Variants in STX8 observed in about 807,000 individuals in gnomAD.
STX8 encodes the protein syntaxin-8.
Under a neutral mutation model 37.5 loss-of-function variants are expected in STX8, and 23 were observed. The ratio of observed to expected loss-of-function variants is 0.61; its 90% confidence interval spans 0.44 to 0.87. The LOEUF (loss-of-function observed/expected upper bound fraction) is 0.87, where lower values mean the gene tolerates loss of function less well. Among genes scored for constraint, STX8 ranks in the 40% least tolerant of loss-of-function variants. The pLI is 0.00. For missense variants in STX8, 313 were observed against 284.7 expected (o/e 1.10, Z -0.71); for synonymous variants, 115 against 99.1 (o/e 1.16, Z -0.95).
intron 7 of STX8, among the ~76,000 whole-genome samples, chr17:9,343,018 CAAAAAAAAAAA>C (rs4063994): frequency 9.0e-6 from 1 of 110,498 alleles, no homozygotes; most frequent in Non-Finnish European, 1.9e-5. Context: ...GAAACTGTCT[CAAAAAAAAAAA>C]AAAAAAAAAA....
At chr17:9,361,775 G>A (rs1911071375) in intron 7 of STX8, among the ~76,000 whole-genome samples, 1 of 152,158 alleles carries the variant, frequency 6.6e-6, no homozygotes, top group South Asian at 2.1e-4. Flanking sequence ...GCAGGAGCTG[G>A]ATGCCTCTTA....
At chr17:9,392,695 A>T (rs757536766) in intron 6 of STX8, among the ~76,000 whole-genome samples, 50 of 152,218 alleles carry the variant, frequency 3.3e-4, no homozygotes, top group Non-Finnish European at 7.1e-4. Context: ...AACAAAAAAT[A>T]TAGAGAAGAA....
chr17:9,397,102 C>T (rs565829675), intron 6 of STX8, among the ~76,000 whole-genome samples: 21 of 152,126 alleles, frequency 1.4e-4, no homozygotes, highest in Non-Finnish European at 2.5e-4. Context: ...TGGCACTAAA[C>T]AATTAAGGAC....
In STX8 at chr17:9,441,153, C is replaced by T. The variant is rs576031571; in HGVS notation, c.541+50676G>A. On this transcript the variant is annotated intron_variant, in intron 6 of 7. Coordinates refer to ENST00000306357, the MANE Select transcript of STX8 (RefSeq NM_004853.3). ...GAAGGGGCAAATGCTAAGATGAATA[C>T]AACATAATGCAAAAAGATTAAAATG... Among the ~76,000 whole-genome samples the T allele has an allele frequency of 2.6e-5, 4 of 152,120 alleles. No individual in the cohort carries two copies. The South Asian group carries it at 8.3e-4, about 32-fold the overall frequency.
At chr17:9,549,372 C>T (rs1906674794) in intron 3 of STX8, among the ~76,000 whole-genome samples, 1 of 152,108 alleles carries the variant, frequency 6.6e-6, no homozygotes, top group African/African-American at 2.4e-5. Flanking sequence ...GAACAGAAAC[C>T]CACACAGTTG....
intron 7 of STX8, among the ~76,000 whole-genome samples, chr17:9,281,672 G>A (rs528443307): frequency 2.0e-5 from 3 of 152,304 alleles, no homozygotes; most frequent in East Asian, 1.9e-4. Context: ...AGTGGCTCAC[G>A]CCTGTAATCC....
At chr17:9,421,318 C>T (rs531777520) in intron 6 of STX8, among the ~76,000 whole-genome samples, 6 of 144,412 alleles carry the variant, frequency 4.2e-5, no homozygotes, top group South Asian at 4.4e-4. Flanking sequence ...CTTGAACCCG[C>T]GAGGCAGAGG....
At chr17:9,545,644 G>A (rs1416795488) in intron 3 of STX8, among the ~76,000 whole-genome samples, 1 of 152,160 alleles carries the variant, frequency 6.6e-6, no homozygotes, top group African/African-American at 2.4e-5. Context: ...GCAATGGCGC[G>A]ATCTCGGCCC....
At chr17:9,506,426 C>A (rs1002676589) in intron 4 of STX8, among the ~76,000 whole-genome samples, 2 of 133,278 alleles carry the variant, frequency 1.5e-5, no homozygotes, top group African/African-American at 2.9e-5. Context: ...CCCCCACCCA[C>A]CTTTCTTAGG....
At chr17:9,372,832 G>A (rs546735855) in intron 7 of STX8, among the ~76,000 whole-genome samples, 10 of 149,510 alleles carry the variant, frequency 6.7e-5, no homozygotes, top group South Asian at 2.1e-4. Flanking sequence ...GGCCAGGCGC[G>A]GTGGCTCACG....
intron 7 of STX8, among the ~76,000 whole-genome samples, chr17:9,371,941 T>C (rs1173983909): frequency 6.6e-6 from 1 of 152,250 alleles, no homozygotes; most frequent in African/African-American, 2.4e-5. Context: ...TCACTCATGC[T>C]GTGCTGTTTC....
chr17:9,327,305 A>G (rs1236035666), intron 7 of STX8, among the ~76,000 whole-genome samples: 4 of 149,432 alleles, frequency 2.7e-5, no homozygotes, highest in African/African-American at 1.0e-4. Flanking sequence ...GAAGAAAGAA[A>G]GAAGAAGAAG....
Position 9,388,922 on chromosome 17 carries a change from A to G in STX8, c.542-10269T>C, listed in dbSNP as rs1391534023. On this transcript the variant is annotated intron_variant, in intron 6 of 7. Coordinates refer to ENST00000306357, the MANE Select transcript of STX8 (RefSeq NM_004853.3). ...ATGTAGCTACAAAGTCTTCAGTTAT[A>G]ATTTCTCATGGTTACAAAATATTCA... Among the ~76,000 whole-genome samples, 5 of 152,264 alleles carry G rather than the reference A, an allele frequency of 3.3e-5. No individual in the cohort carries two copies. The East Asian group carries it at 9.6e-4, about 29-fold the overall frequency.
intron 7 of STX8, among the ~76,000 whole-genome samples, chr17:9,298,933 TGGCTTAAAACAAGATGC>T: frequency 6.6e-6 from 1 of 152,312 alleles, no homozygotes; most frequent in Non-Finnish European, 1.5e-5. Context: ...GCAGCAGATG[TGGCTTAAAACAAGATGC>T]TTGAGGGGAA....
intron 2 of STX8, among the ~76,000 whole-genome samples, chr17:9,567,905 C>G (rs897409452): frequency 6.6e-6 from 1 of 152,026 alleles, no homozygotes; most frequent in East Asian, 1.9e-4. Flanking sequence ...AGGCTGGTCT[C>G]GAATTCTTGA....
intron 7 of STX8, among the ~76,000 whole-genome samples, chr17:9,332,733 A>G (rs1344204953): frequency 6.6e-6 from 1 of 152,154 alleles, no homozygotes; most frequent in African/African-American, 2.4e-5. Context: ...CTGTAACACA[A>G]TTGGTAATTA....
At chr17:9,323,783 A>G (rs1909655020) in intron 7 of STX8, among the ~76,000 whole-genome samples, 1 of 152,214 alleles carries the variant, frequency 6.6e-6, no homozygotes, top group African/African-American at 2.4e-5. Context: ...AGTGGAGATT[A>G]GCAGGAGTTG....
chr17:9,262,608 A>C (rs187514800), intron 7 of STX8, among the ~76,000 whole-genome samples: 1 of 151,542 alleles, frequency 6.6e-6, no homozygotes, highest in Admixed American at 6.6e-5. Flanking sequence ...TTTGAGACAG[A>C]GTCTTGCTCT....
chr17:9,493,292 T>A (rs1469278370), intron 5 of STX8, among the ~76,000 whole-genome samples: 3 of 152,124 alleles, frequency 2.0e-5, no homozygotes, highest in Non-Finnish European at 4.4e-5. Flanking sequence ...GAAAATTTTT[T>A]AAAAAAGAAA....
Sources: allele counts gnomAD v4.1 joint callset (sites outside exome capture counted in the v4.1 genomes callset), GRCh38; gene constraint gnomAD v4.1.1; transcripts MANE v1.5; gene names NCBI Gene and HGNC (gene_info 2026-07-23, HGNC 2026-07-21).